The following IFT74 variants were observed in gnomAD, a reference collection of about 807,000 sequenced individuals.
The protein encoded by IFT74 is intraflagellar transport 74, also known as intraflagellar transport protein 74 homolog.
Under a neutral mutation model 96.7 loss-of-function variants are expected in IFT74, and 92 were observed. The observed-to-expected ratio is 0.95, with a 90% CI of 0.80 to 1.13. The LOEUF is 1.13. Among genes scored for constraint, IFT74 ranks in the 50% most tolerant of loss-of-function variants. IFT74 has a pLI of 0.00. For missense variants in IFT74, 811 were observed against 698.2 expected (o/e 1.16, Z -1.82); for synonymous variants, 223 against 213.2 (o/e 1.05, Z -0.40).
rs769581193 is a variant in IFT74, at chr9:27,048,176, C to G, written c.1235C>G (p.Ser412Cys). ...ATAAATCGTATAGAACAGATATCCT[C>G]TATCACCAATCAAGAGCTAAAGATG... ...RNINRIEQISSITNQELKMMQ... is the reference protein window; with the variant it reads ...RNINRIEQISCITNQELKMMQ... Residue 412 changes from serine (S) to cysteine (C), a missense_variant, in exon 16 of 20, where the codon TCT (serine) becomes TGT (cysteine). By Grantham distance (112) the Ser-to-Cys change is moderately radical. Transcript: ENST00000380062. The G allele has an allele frequency of 1.9e-6, 3 of 1,599,364 alleles. No individual in the cohort carries two copies. Among genetic ancestry groups the G allele is most frequent in the Admixed American group, 3.4e-5 (2 of 59,494 alleles).
rs117778233 is a variant in IFT74 at position 26,973,577 on chromosome 9, C to T, written c.121-4551C>T. 2.4e-4 allele frequency among the ~76,000 whole-genome samples: 37 copies of T among 152,318 alleles called. No homozygotes were observed. The East Asian group carries it at 5.2e-3, about 21-fold the overall frequency. ...GAGGTGAGGAATCCCTTAGGGCCAGCTTGAAGGCCTATTCCTAATTTTAGC... is the reference window on the plus strand; with the variant it reads ...GAGGTGAGGAATCCCTTAGGGCCAGTTTGAAGGCCTATTCCTAATTTTAGC... On this transcript the variant is annotated intron_variant, in intron 2 of 19. Coordinates refer to ENST00000380062, the MANE Select transcript of IFT74 (RefSeq NM_025103.4).
At chr9:27,014,969 T>C (rs768065088) in intron 10 of IFT74, among the ~76,000 whole-genome samples, 12 of 152,366 alleles carry the variant, frequency 7.9e-5, no homozygotes, top group Admixed American at 4.6e-4. Context: ...CAGATAGTGG[T>C]CAATCAACTA....
intron 4 of IFT74, among the ~76,000 whole-genome samples, chr9:26,983,182 C>A (rs182044021): frequency 6.6e-6 from 1 of 152,312 alleles, no homozygotes; most frequent in South Asian, 2.1e-4. Context: ...GGTTTCCCCC[C>A]ATCTGTTCTC....
rs923445596 is a variant in IFT74, at chr9:26,978,252, C to T, written c.245C>T (p.Thr82Ile). 1 of 1,612,922 alleles carries T rather than the reference C, an allele frequency of 6.2e-7. No homozygotes were observed. Among genetic ancestry groups the T allele is most frequent in the African/African-American group, 1.3e-5 (1 of 74,978 alleles). Residue 82 changes from threonine (T) to isoleucine (I), a missense_variant, in exon 3 of 20, where the codon ACT becomes ATT. By Grantham distance (89) the Thr-to-Ile change is moderately conservative. Transcript: ENST00000380062. ...VTQQGLTGMKTGTKGPQRQIL... is the reference protein window; with the variant it reads ...VTQQGLTGMKIGTKGPQRQIL... ...CAACAAGGTTTGACTGGAATGAAAA[C>T]TGGGACGAAAGGTACCTATTTTAAG...
At position 26,988,746 on chromosome 9, in the gene IFT74, A is replaced by C; in HGVS notation, c.525+18A>C. The C allele has an allele frequency of 6.6e-7, 1 of 1,511,792 alleles. No homozygotes were observed. 93.6% of individuals were successfully genotyped at this position (1,511,792 alleles called of 1,614,324 possible). On this transcript the variant is annotated intron_variant, in intron 7 of 19. Coordinates refer to ENST00000380062, the MANE Select transcript of IFT74 (RefSeq NM_025103.4). ...ACAATATGGTAAGAAAATTTATAAA[A>C]GCAAATTGATCTATGTAAGTCATAT...
At chr9:26,992,840 G>A in intron 8 of IFT74, among the ~76,000 whole-genome samples, 1 of 152,254 alleles carries the variant, frequency 6.6e-6, no homozygotes, top group East Asian at 1.9e-4. Flanking sequence ...ACCAAGAAAT[G>A]CCATACCTCG....
chr9:26,973,858 A>G (rs1285849802), intron 2 of IFT74, among the ~76,000 whole-genome samples: 1 of 152,222 alleles, frequency 6.6e-6, no homozygotes, highest in Non-Finnish European at 1.5e-5. Flanking sequence ...AAATTTATCA[A>G]GAGCTCCTGG....
intron 2 of IFT74, among the ~76,000 whole-genome samples, chr9:26,962,962 TA>T (rs1456960610): frequency 1.3e-3 from 193 of 152,030 alleles, no homozygotes; most frequent in African/African-American, 4.2e-3. Context: ...TTTTTATTTT[TA>T]TTTTTTTGTT....
chr9:27,001,584 A>G (rs1315255284), intron 8 of IFT74, among the ~76,000 whole-genome samples: 2 of 151,284 alleles, frequency 1.3e-5, no homozygotes, highest in African/African-American at 4.8e-5. Context: ...TTTTCCACAT[A>G]CTTGTTTGTC....
chr9:26,997,076 G>T (rs1413668926), intron 8 of IFT74, among the ~76,000 whole-genome samples: 1 of 151,832 alleles, frequency 6.6e-6, no homozygotes, highest in Non-Finnish European at 1.5e-5. Flanking sequence ...GCCAGGCGTG[G>T]TGGCTCATGA....
intron 2 of IFT74, among the ~76,000 whole-genome samples, chr9:26,974,336 T>G (rs974168591): frequency 6.4e-4 from 97 of 152,222 alleles, no homozygotes; most frequent in Non-Finnish European, 7.8e-4. Flanking sequence ...GTAACTTTTT[T>G]GAAATATCTA....
chr9:26,968,502 C>T (rs760347307), intron 2 of IFT74, among the ~76,000 whole-genome samples: 12 of 152,132 alleles, frequency 7.9e-5, no homozygotes, highest in East Asian at 1.9e-4. Flanking sequence ...CCTCGTGATC[C>T]GCCCACCTCA....
At chr9:26,986,633 T>G (rs1284102003) in intron 6 of IFT74, among the ~76,000 whole-genome samples, 1 of 151,856 alleles carries the variant, frequency 6.6e-6, no homozygotes, top group Admixed American at 6.6e-5. Context: ...TATTTTTTAA[T>G]TTTTTTAGAG....
intron 3 of IFT74, among the ~76,000 whole-genome samples, chr9:26,979,223 GAATT>G (rs1827254100): frequency 6.6e-6 from 1 of 150,968 alleles, no homozygotes; most frequent in African/African-American, 2.4e-5. Flanking sequence ...TATTAAAAAT[GAATT>G]GATTATTTAG....
At chr9:27,012,708 G>GTTTTTGTT (rs1563974337) in intron 10 of IFT74, among the ~76,000 whole-genome samples, 2 of 53,876 alleles carry the variant, frequency 3.7e-5, no homozygotes, top group African/African-American at 1.6e-4. Context: ...AAAAATGTCT[G>GTTTTTGTT]TTTTTTTTTT....
chr9:27,000,262 G>A (rs1434612259), intron 8 of IFT74, among the ~76,000 whole-genome samples: 1 of 152,082 alleles, frequency 6.6e-6, no homozygotes, highest in Non-Finnish European at 1.5e-5. Context: ...TAGATCTCAT[G>A]AAAGGAGCTT....
At chr9:27,059,817 T>C (rs1473350660) in intron 18 of IFT74, among the ~76,000 whole-genome samples, 1 of 152,256 alleles carries the variant, frequency 6.6e-6, no homozygotes, top group Non-Finnish European at 1.5e-5. Flanking sequence ...TTGCTTCAAT[T>C]ATTGTATTTT....
intron 8 of IFT74, among the ~76,000 whole-genome samples, chr9:27,004,426 T>G (rs1454085109): frequency 6.6e-6 from 1 of 152,246 alleles, no homozygotes; most frequent in Non-Finnish European, 1.5e-5. Context: ...CCATACTATC[T>G]GTGAGAGTTT....
chr9:26,947,128 G>A, exon 1 of IFT74: 1 of 1,389,820 alleles, frequency 7.2e-7, no homozygotes, highest in East Asian at 2.9e-5. Flanking sequence ...CCGGGCCGCG[G>A]CGGGAGAAGA....
Sources: allele counts gnomAD v4.1 joint callset (sites outside exome capture counted in the v4.1 genomes callset), GRCh38; gene constraint gnomAD v4.1.1; transcripts MANE v1.5; gene names NCBI Gene and HGNC (gene_info 2026-07-23, HGNC 2026-07-21).